The following NDRG2 variants were observed in gnomAD, a reference collection of about 807,000 sequenced individuals.
NDRG2 encodes the protein NDRG family member 2.
In NDRG2, 34 loss-of-function variants were observed where a neutral mutation model predicts 58.2. The ratio of observed to expected loss-of-function variants is 0.58; its 90% CI spans 0.44 to 0.78. The LOEUF is 0.78. Ranked by LOEUF, NDRG2 falls within the 30% of genes least tolerant of loss-of-function variation. The probability of loss-of-function intolerance (pLI) is 0.00; values close to 1 mark genes in which losing one functional copy is unlikely to be tolerated. For synonymous variants in NDRG2, 187 were observed against 175.9 expected, an observed-to-expected ratio of 1.06 and a Z score of -0.50; for missense variants, 434 against 471.2, an observed-to-expected ratio of 0.92 and a Z score of 0.73.
In NDRG2 at chr14:21,070,402, G is replaced by A; in HGVS notation, c.24+426C>T. ...ACGCGGCCCGGCGCCGAGCCATGGT[G>A]AGTCCAGCGTCGCAGCCCCCTGGGT... On this transcript the variant is annotated intron_variant, in intron 1 of 14. Transcript: ENST00000403829. This position sits in a 1 kb window ranked among gnomAD's most constrained non-coding sequence, Gnocchi z 4.7. 6 of 1,418,308 alleles carry A rather than the reference G, an allele frequency of 4.2e-6. No individual in the cohort carries two copies. Among genetic ancestry groups the A allele is most frequent in the Non-Finnish European group, 5.5e-6 (6 of 1,094,954 alleles). 87.9% of individuals were successfully genotyped at this position (1,418,308 alleles called of 1,614,324 possible).
chr14:21,019,257 A>G (rs2042206392), intron 10 of NDRG2, 97 bp from the exon 11 acceptor site: 2 of 1,221,860 alleles, frequency 1.6e-6, no homozygotes, highest in Non-Finnish European at 2.3e-6. Flanking sequence ...TTTGTCTAAA[A>G]ATTACGGTCA....
At chr14:21,052,309 C>T (rs1477470275) in intron 1 of NDRG2, among the ~76,000 whole-genome samples, 1 of 152,170 alleles carries the variant, frequency 6.6e-6, no homozygotes, top group Non-Finnish European at 1.5e-5. Context: ...GATGCTCTTA[C>T]TGGATGAAAG....
rs753865924 is a variant in NDRG2 at position 21,017,777 on chromosome 14, C to A, written c.950-15G>T. 1.2e-6 allele frequency: 2 copies of A among 1,602,134 alleles called. No individual in the cohort carries two copies. Among genetic ancestry groups the A allele is most frequent in the Admixed American group, 3.5e-5 (2 of 57,624 alleles). ...GGATGAGGCCACTGTGGAGACAGCACGATGCACAAGCAGTCAGAGAGGAAG... is the reference window on the plus strand; with the variant it reads ...GGATGAGGCCACTGTGGAGACAGCAAGATGCACAAGCAGTCAGAGAGGAAG... On this transcript the variant is annotated splice_polypyrimidine_tract_variant and intron_variant, in intron 15 of 15. Transcript: ENST00000556147.
Position 21,022,380 on chromosome 14 carries a change from G to A in NDRG2, c.223+12C>T, listed in dbSNP as rs1356750779. ...TCCCAGACAGGAGTGGGAGATGAAT[G>A]AAGGTCCTTACAGTTGAGTCCCACA... On this transcript the variant is annotated intron_variant, in intron 4 of 15. Coordinates refer to ENST00000556147, the MANE Select transcript of NDRG2 (RefSeq NM_001320329.2). 3 of 1,608,106 alleles carry A rather than the reference G, an allele frequency of 1.9e-6. No individual in the cohort carries two copies. Among genetic ancestry groups the A allele is most frequent in the Non-Finnish European group, 1.7e-6 (2 of 1,174,612 alleles).
intron 1 of NDRG2, among the ~76,000 whole-genome samples, chr14:21,047,679 C>T (rs899369417): frequency 6.6e-6 from 1 of 152,164 alleles, no homozygotes. Flanking sequence ...TCCAGGGGAG[C>T]TTTGCCCAGT....
chr14:21,018,059 G>A (rs778855597), intron 14 of NDRG2, 21 bp from the exon 15 acceptor site: 31 of 1,611,052 alleles, frequency 1.9e-5, no homozygotes, highest in Admixed American at 6.7e-5. Flanking sequence ...AAGAAGAGGC[G>A]AGGGAGACGG....
intron 1 of NDRG2, among the ~76,000 whole-genome samples, chr14:21,031,638 G>A (rs2139078907): frequency 6.6e-6 from 1 of 152,034 alleles, no homozygotes; most frequent in Non-Finnish European, 1.5e-5. Flanking sequence ...AACTCCTCTG[G>A]AAACAAAAAA....
intron 1 of NDRG2, among the ~76,000 whole-genome samples, chr14:21,061,608 A>G (rs1045332337): frequency 3.9e-5 from 6 of 152,238 alleles, no homozygotes; most frequent in Non-Finnish European, 8.8e-5. Context: ...TTTCCAAAAA[A>G]TCACTTGAGA....
At chr14:21,029,128 G>A (rs1268343168), upstream of NDRG2, 1 of 152,172 alleles carries the variant, frequency 6.6e-6, no homozygotes, top group Admixed American at 6.5e-5. Flanking sequence ...GGCTTGCTGG[G>A]CCCAACACTG....
rs989974119 is a variant in NDRG2, at chr14:21,030,904, A to G, written c.25-7583T>C. Reference sequence around the variant, plus strand: ...GCTATCCTTTGTCTTCGAGACACTCACTGATTGATAGGACAAAAGAGGCCA... The same window carrying G: ...GCTATCCTTTGTCTTCGAGACACTCGCTGATTGATAGGACAAAAGAGGCCA... On this transcript the variant is annotated intron_variant, in intron 1 of 14. Coordinates refer to the NDRG2 transcript ENST00000403829. The G allele has an allele frequency of 4.7e-5, 71 of 1,515,478 alleles. No individual in the cohort carries two copies. In the Admixed American group the frequency reaches 9.1e-4, roughly 19 times the overall value. 93.9% of individuals were successfully genotyped at this position (1,515,478 alleles called of 1,614,324 possible).
intron 1 of NDRG2, chr14:21,048,426 G>A (rs563650239): frequency 3.9e-5 from 6 of 152,100 alleles, no homozygotes; most frequent in Non-Finnish European, 5.9e-5. Flanking sequence ...GTGATAGAAC[G>A]CCTCTTAGCT....
chr14:21,044,184 G>C (rs558383396), intron 1 of NDRG2: 1 of 167,210 alleles, frequency 6.0e-6, no homozygotes, highest in Admixed American at 6.5e-5. Context: ...GCTCTGAAGA[G>C]CCAGTTACCC....
intron 1 of NDRG2, chr14:21,042,889 G>A (rs1255662793): frequency 2.1e-6 from 2 of 932,652 alleles, no homozygotes; most frequent in East Asian, 5.3e-5. Flanking sequence ...TAGGGAGATG[G>A]GTGACTAGCT....
Position 21,024,237 on chromosome 14 carries a change from C to T in NDRG2, c.-214G>A. The T allele has an allele frequency of 1.0e-6, 1 of 985,486 alleles. No homozygotes were observed. The highest frequency in any genetic ancestry group is 1.2e-6 in the Non-Finnish European group (1 of 830,028). The allele number at this position is 985,486 out of a possible 1,614,324, so 61.0% of individuals were successfully genotyped here. A position where few individuals can be genotyped will look rare whatever the true frequency, so the allele number is the denominator to read the frequency against. On this transcript the variant is annotated 5_prime_UTR_variant, in exon 1 of 16. Coordinates refer to ENST00000556147, the MANE Select transcript of NDRG2 (RefSeq NM_001320329.2). ...TAACCCTCCCCAGTGTCTGTCTACCCCTAAGTCCAGAGAACACGTCCTCTC... is the reference window on the plus strand; with the variant it reads ...TAACCCTCCCCAGTGTCTGTCTACCTCTAAGTCCAGAGAACACGTCCTCTC...
intron 1 of NDRG2, chr14:21,031,285 A>G: frequency 1.5e-6 from 2 of 1,339,696 alleles, no homozygotes; most frequent in Non-Finnish European, 1.0e-6. Flanking sequence ...GACTTTAGAG[A>G]TCATCTAGAC....
In NDRG2 at chr14:21,068,068, C is replaced by T. The variant is rs1441144697; in HGVS notation, c.24+2760G>A. On this transcript the variant is annotated intron_variant, in intron 1 of 14. Transcript: ENST00000403829. ...AGGCTGGAGTGCAGTGGCGCGATCT[C>T]GGCTCACTGCAAGCTCCGCCTCCCG... Among the ~76,000 whole-genome samples the T allele has an allele frequency of 9.0e-5, 4 of 44,644 alleles. 1 individual carries two copies. Among genetic ancestry groups the T allele is most frequent in the African/African-American group, 2.0e-4 (4 of 20,258 alleles). The allele number at this position is 44,644 out of a possible 152,430, so 29.3% of individuals were successfully genotyped here.
Position 21,070,183 on chromosome 14 carries a change from G to T in NDRG2, c.24+645C>A, listed in dbSNP as rs946935768. On this transcript the variant is annotated intron_variant, in intron 1 of 14. Transcript: ENST00000403829. This position sits in a 1 kb window ranked among gnomAD's most constrained non-coding sequence, Gnocchi z 4.7. ...GGCAAGGGGTCCCGCGCGGAGGCGG[G>T]GGCGGGCGCTGAAGGGCGGGGCGGG... 20 of 267,806 alleles carry T rather than the reference G, an allele frequency of 7.5e-5. No individual in the cohort carries two copies. Among genetic ancestry groups the T allele is most frequent in the Non-Finnish European group, 1.3e-4 (20 of 150,742 alleles). The allele number at this position is 267,806 out of a possible 1,614,324, so 16.6% of individuals were successfully genotyped here. A position where few individuals can be genotyped will look rare whatever the true frequency, so the allele number is the denominator to read the frequency against.
intron 1 of NDRG2, among the ~76,000 whole-genome samples, chr14:21,041,590 C>A (rs1358288507): frequency 6.6e-6 from 1 of 151,972 alleles, no homozygotes; most frequent in African/African-American, 2.4e-5. Flanking sequence ...GTAACCACCA[C>A]AAGGAACAGG....
intron 1 of NDRG2, among the ~76,000 whole-genome samples, chr14:21,067,185 C>T (rs559590159): frequency 2.8e-4 from 43 of 152,110 alleles, no homozygotes; most frequent in African/African-American, 8.0e-4. Flanking sequence ...CACCTTCCCC[C>T]GTATTAGGAT....
Sources: allele counts gnomAD v4.1 joint callset (sites outside exome capture counted in the v4.1 genomes callset), GRCh38; gene constraint gnomAD v4.1.1; non-coding constraint Gnocchi (gnomAD v3.1); transcripts MANE v1.5; gene names NCBI Gene and HGNC (gene_info 2026-07-23, HGNC 2026-07-21).